The following GRIK2 variants were observed in gnomAD, a reference collection of about 807,000 sequenced individuals.
The protein encoded by GRIK2 is glutamate receptor ionotropic, kainate 2.
A neutral mutation model predicts 100.3 loss-of-function variants in GRIK2; 32 were observed. The observed-to-expected ratio is 0.32, with a 90% CI of 0.24 to 0.43. The LOEUF is 0.43. Ranked by LOEUF, GRIK2 falls within the 20% of genes least tolerant of loss-of-function variation. GRIK2 has a pLI of 1.00. For synonymous variants in GRIK2, 417 were observed against 389.4 expected, an observed-to-expected ratio of 1.07 and a Z score of -0.83; for missense variants, 843 against 1,114.9, an observed-to-expected ratio of 0.76 and a Z score of 3.47.
chr6:101,432,450 T>C (rs1769460770), intron 2 of GRIK2, among the ~76,000 whole-genome samples: 1 of 152,172 alleles, frequency 6.6e-6, no homozygotes, highest in Admixed American at 6.5e-5. Flanking sequence ...AAATGATATT[T>C]ACCCCCCAGA....
chr6:101,774,444 G>A (rs182341168), intron 7 of GRIK2, among the ~76,000 whole-genome samples: 29 of 152,254 alleles, frequency 1.9e-4, no homozygotes, highest in African/African-American at 6.7e-4. Flanking sequence ...GTAAAAAGCG[G>A]ACAAGATTTA....
At chr6:101,700,674 A>G (rs1562319961) in intron 7 of GRIK2, among the ~76,000 whole-genome samples, 1 of 152,102 alleles carries the variant, frequency 6.6e-6, no homozygotes, top group African/African-American at 2.4e-5. Context: ...TTTGATTAGT[A>G]AGGTTAAGGC....
intron 14 of GRIK2, among the ~76,000 whole-genome samples, chr6:102,015,032 A>C (rs1028332730): frequency 3.3e-5 from 5 of 152,146 alleles, no homozygotes; most frequent in African/African-American, 4.8e-5. Flanking sequence ...TAATGCTATC[A>C]GTGAGGTGTT....
At chr6:101,741,848 T>C (rs1213821308) in intron 7 of GRIK2, among the ~76,000 whole-genome samples, 1 of 152,230 alleles carries the variant, frequency 6.6e-6, no homozygotes, top group Non-Finnish European at 1.5e-5. Flanking sequence ...GACACACAAC[T>C]ACACCAAAAA....
intron 7 of GRIK2, among the ~76,000 whole-genome samples, chr6:101,789,117 G>T (rs1403870780): frequency 1.3e-5 from 2 of 152,100 alleles, no homozygotes; most frequent in African/African-American, 4.8e-5. Context: ...CCCTTTGTCA[G>T]ATGAGTAGGT....
At chr6:101,979,078 A>T (rs982091920) in intron 14 of GRIK2, among the ~76,000 whole-genome samples, 2 of 152,006 alleles carry the variant, frequency 1.3e-5, no homozygotes, top group Admixed American at 6.6e-5. Flanking sequence ...ATAGTAAAAA[A>T]CAAACAGGAA....
chr6:101,605,431 T>G (rs1290819061), intron 2 of GRIK2, among the ~76,000 whole-genome samples: 5 of 152,054 alleles, frequency 3.3e-5, no homozygotes, highest in Admixed American at 2.6e-4. Flanking sequence ...TTTCTTCGTC[T>G]TCTTTCCAAT....
At chr6:101,617,199 CAT>C (rs377743859) in intron 2 of GRIK2, among the ~76,000 whole-genome samples, 6 of 151,690 alleles carry the variant, frequency 4.0e-5, no homozygotes, top group African/African-American at 9.7e-5. Context: ...AAAGTGCACA[CAT>C]GATACAAGTA....
chr6:101,646,875 A>G (rs973030300), intron 4 of GRIK2, among the ~76,000 whole-genome samples: 1 of 151,970 alleles, frequency 6.6e-6, no homozygotes, highest in Non-Finnish European at 1.5e-5. Flanking sequence ...AAATTACCTC[A>G]TTACTATGAG....
intron 7 of GRIK2, among the ~76,000 whole-genome samples, chr6:101,796,849 T>A (rs1780337698): frequency 6.6e-6 from 1 of 152,082 alleles, no homozygotes; most frequent in Non-Finnish European, 1.5e-5. Flanking sequence ...CCAGCTATAT[T>A]TATCTTATAG....
chr6:101,513,236 C>T (rs952702348), intron 2 of GRIK2, among the ~76,000 whole-genome samples: 8 of 151,998 alleles, frequency 5.3e-5, no homozygotes, highest in African/African-American at 1.9e-4. Flanking sequence ...GTGAGAGGTT[C>T]CAGGCTATGG....
chr6:102,015,588 C>A (rs1489498277), intron 14 of GRIK2, among the ~76,000 whole-genome samples: 1 of 152,148 alleles, frequency 6.6e-6, no homozygotes, highest in African/African-American at 2.4e-5. Context: ...GCGGCCAACA[C>A]CTGTACAGAG....
chr6:101,554,803 TA>T (rs1776662980), intron 2 of GRIK2, among the ~76,000 whole-genome samples: 3 of 152,156 alleles, frequency 2.0e-5, no homozygotes, highest in African/African-American at 7.2e-5. Flanking sequence ...AAAAAAATTG[TA>T]CCTGCGCATA....
intron 7 of GRIK2, among the ~76,000 whole-genome samples, chr6:101,709,026 A>G (rs975644011): frequency 2.6e-5 from 4 of 151,900 alleles, no homozygotes; most frequent in African/African-American, 7.2e-5. Context: ...TAGTTAGTCA[A>G]TTTAAAATTT....
At chr6:101,913,191 C>T (rs991105282) in intron 12 of GRIK2, among the ~76,000 whole-genome samples, 38 of 151,668 alleles carry the variant, frequency 2.5e-4, no homozygotes, top group African/African-American at 8.7e-4. Context: ...CTACATTGCT[C>T]TCGCTTAATA....
intron 2 of GRIK2, among the ~76,000 whole-genome samples, chr6:101,552,904 A>T (rs1290928711): frequency 6.6e-6 from 1 of 152,192 alleles, no homozygotes; most frequent in East Asian, 1.9e-4. Context: ...TGAAGTTCAA[A>T]CTACTAGATT....
chr6:101,398,881 G>C, intron 1 of GRIK2, 104 bp from the exon 2 acceptor site: 1 of 425,008 alleles, frequency 2.4e-6, no homozygotes, highest in Non-Finnish European at 4.1e-6. Flanking sequence ...CAAAACCTTT[G>C]CTAGCAAAGC....
intron 15 of GRIK2, among the ~76,000 whole-genome samples, chr6:102,037,776 A>G (rs2114437050): frequency 6.6e-6 from 1 of 151,426 alleles, no homozygotes; most frequent in Admixed American, 6.6e-5. Context: ...GGAGTGCTCA[A>G]ATCTTGGCAT....
intron 7 of GRIK2, among the ~76,000 whole-genome samples, chr6:101,700,796 C>A (rs1376515237): frequency 6.6e-6 from 1 of 152,084 alleles, no homozygotes; most frequent in African/African-American, 2.4e-5. Context: ...AGACACACTC[C>A]AGCAGGTAGC....
Sources: gnomAD v4.1 joint callset for allele counts (sites outside exome capture counted in the v4.1 genomes callset) on GRCh38, gnomAD v4.1.1 for gene constraint, MANE v1.5 for transcripts, NCBI Gene and HGNC (gene_info 2026-07-23, HGNC 2026-07-21) for gene names.